HEG1: variants seen among roughly 807,000 people sequenced by gnomAD.
The protein encoded by HEG1 is protein HEG homolog 1.
Under a neutral mutation model 125.6 loss-of-function variants are expected in HEG1, and 56 were observed. The ratio of observed to expected loss-of-function variants is 0.45; its 90% confidence interval spans 0.36 to 0.56. The LOEUF (loss-of-function observed/expected upper bound fraction) is 0.56, where lower values mean the gene tolerates loss of function less well. Among genes scored for constraint, HEG1 ranks in the 20% least tolerant of loss-of-function variants. The pLI is 0.00. For synonymous variants in HEG1, 644 were observed against 668.5 expected, an observed-to-expected ratio of 0.96 and a Z score of 0.57; for missense variants, 1,523 against 1,670.0, an observed-to-expected ratio of 0.91 and a Z score of 1.53.
At chr3:125,019,787 A>G (rs1937309064) in intron 4 of HEG1, among the ~76,000 whole-genome samples, 190 bp from the exon 5 acceptor site, 1 of 152,232 alleles carries the variant, frequency 6.6e-6, no homozygotes, top group Non-Finnish European at 1.5e-5. Flanking sequence ...CAAGAGAGTA[A>G]TACAAAAAAA....
At chr3:125,023,639 C>T (rs1005398909) in intron 3 of HEG1, among the ~76,000 whole-genome samples, 1 of 147,662 alleles carries the variant, frequency 6.8e-6, no homozygotes, top group African/African-American at 2.5e-5. Context: ...ACTTATATTA[C>T]TAAATGAGCA....
chr3:124,984,810 C>CA (rs1483223243), intron 14 of HEG1, among the ~76,000 whole-genome samples: 2 of 151,722 alleles, frequency 1.3e-5, no homozygotes, highest in African/African-American at 2.4e-5. Context: ...CAAAAACAAA[C>CA]AAAAAACAGA....
chr3:125,024,477 G>C (rs1937387223), intron 3 of HEG1, among the ~76,000 whole-genome samples: 1 of 152,118 alleles, frequency 6.6e-6, no homozygotes, highest in South Asian at 2.1e-4. Context: ...TGCTTTGTTT[G>C]CTTTTCCCTC....
chr3:125,051,217 T>G (rs1937797622), intron 1 of HEG1, among the ~76,000 whole-genome samples: 1 of 152,228 alleles, frequency 6.6e-6, no homozygotes, highest in Non-Finnish European at 1.5e-5. Flanking sequence ...TCAAACAAAA[T>G]TTTTAAAAAA....
At chr3:124,974,277 C>T (rs1170146671) in intron 15 of HEG1, among the ~76,000 whole-genome samples, 1 of 151,954 alleles carries the variant, frequency 6.6e-6, no homozygotes, top group African/African-American at 2.4e-5. Context: ...CAGAGGGGCC[C>T]TTAGACTCAT....
chr3:124,997,660 C>T, intron 12 of HEG1, 29 bp downstream of exon 12: 1 of 1,548,376 alleles, frequency 6.5e-7, no homozygotes, highest in Non-Finnish European at 8.8e-7. Context: ...CAGGACTGGG[C>T]ACAGAACCCC....
intron 1 of HEG1, among the ~76,000 whole-genome samples, chr3:125,040,644 GTTTC>G (rs1305843266): frequency 2.6e-5 from 4 of 152,044 alleles, no homozygotes; most frequent in East Asian, 1.9e-4. Flanking sequence ...ATGAGAGTGG[GTTTC>G]TTTGTCATTT....
At chr3:125,012,088 A>T (rs1937164504) in intron 6 of HEG1, among the ~76,000 whole-genome samples, 1 of 152,192 alleles carries the variant, frequency 6.6e-6, no homozygotes, top group African/African-American at 2.4e-5. Flanking sequence ...TTTCGGAGAC[A>T]AAGGAGCTTG....
chr3:125,000,600 T>A, intron 11 of HEG1, among the ~76,000 whole-genome samples: 1 of 142,540 alleles, frequency 7.0e-6, no homozygotes. Flanking sequence ...AAGTTTAGCT[T>A]TTTTTTTTTT....
intron 1 of HEG1, among the ~76,000 whole-genome samples, chr3:125,032,575 A>G (rs1207855346): frequency 6.6e-6 from 1 of 152,212 alleles, no homozygotes; most frequent in Non-Finnish European, 1.5e-5. Flanking sequence ...TACAGACAAC[A>G]GTGGCCCACA....
At chr3:125,003,793 G>A (rs1016004552) in intron 9 of HEG1, among the ~76,000 whole-genome samples, 3 of 152,188 alleles carry the variant, frequency 2.0e-5, no homozygotes, top group African/African-American at 7.2e-5. Context: ...ACTCCTCAGC[G>A]GGACGACAGC....
intron 12 of HEG1, among the ~76,000 whole-genome samples, chr3:124,995,125 C>T (rs1936900957): frequency 1.3e-5 from 2 of 152,110 alleles, no homozygotes; most frequent in African/African-American, 4.8e-5. Flanking sequence ...ATGGCAAAAG[C>T]CCATCTCTAC....
At chr3:125,000,397 A>C (rs1256574074) in intron 11 of HEG1, among the ~76,000 whole-genome samples, 2 of 152,214 alleles carry the variant, frequency 1.3e-5, no homozygotes, top group Non-Finnish European at 2.9e-5. Flanking sequence ...ATCACATAGA[A>C]TGTATTCCAT....
At position 125,053,785 on chromosome 3, in the gene HEG1, G is replaced by A. The variant is rs778044568; in HGVS notation, c.316+1790C>T. Among the ~76,000 whole-genome samples the A allele has an allele frequency of 9.2e-5, 14 of 152,154 alleles. No homozygotes were observed. In the South Asian group the frequency reaches 2.5e-3, roughly 27 times the overall value. On this transcript the variant is annotated intron_variant, in intron 1 of 16. Transcript: ENST00000311127. ...TGCCACACCTGTGAGGGATGTTTGG[G>A]TCACATAAGGCCCCAATTCTTACCA...
chr3:124,980,069 T>C (rs1936620993), intron 14 of HEG1, among the ~76,000 whole-genome samples: 1 of 152,232 alleles, frequency 6.6e-6, no homozygotes. Flanking sequence ...CACATGTATT[T>C]GAAAGTTTCT....
intron 14 of HEG1, among the ~76,000 whole-genome samples, chr3:124,980,833 T>G (rs911904168): frequency 1.4e-5 from 2 of 146,766 alleles, no homozygotes; most frequent in Middle Eastern, 4.4e-3. Flanking sequence ...GACCAGTTTT[T>G]GCTTGCTTGT....
chr3:125,016,089 T>C (rs1937242347), intron 5 of HEG1, among the ~76,000 whole-genome samples: 1 of 152,178 alleles, frequency 6.6e-6, no homozygotes, highest in African/African-American at 2.4e-5. Flanking sequence ...CTAAGTACGA[T>C]TTCTCTGGGC....
Position 125,014,585 on chromosome 3 carries a change from G to T in HEG1, c.1589-595C>A, listed in dbSNP as rs1376430503. 5.3e-6 allele frequency: 4 copies of T among 748,680 alleles called. No homozygotes were observed. In the African/African-American group the frequency reaches 5.5e-5, roughly 10 times the overall value. The allele number at this position is 748,680 out of a possible 1,614,324, so 46.4% of individuals were successfully genotyped here. A position where few individuals can be genotyped will look rare whatever the true frequency, so the allele number is the denominator to read the frequency against. ...TTCCTGAGGTGGGAGAATCTAGAAA[G>T]TTCTCTCCATAAAGAGCTTGTAAGG... On this transcript the variant is annotated intron_variant, in intron 5 of 16. Transcript: ENST00000311127.
At chr3:125,040,809 A>C (rs1937588298) in intron 1 of HEG1, among the ~76,000 whole-genome samples, 1 of 152,066 alleles carries the variant, frequency 6.6e-6, no homozygotes. Context: ...TACTGTTCAC[A>C]GGTCCTTTCC....
Sources: allele counts gnomAD v4.1 joint callset (sites outside exome capture counted in the v4.1 genomes callset), GRCh38; gene constraint gnomAD v4.1.1; transcripts MANE v1.5; gene names NCBI Gene and HGNC (gene_info 2026-07-23, HGNC 2026-07-21).